KIF18A: variants seen among roughly 807,000 people sequenced by gnomAD.
KIF18A encodes the protein kinesin-like protein KIF18A.
In KIF18A, 67 loss-of-function variants were observed where a neutral mutation model predicts 103.3. The observed-to-expected ratio is 0.65, with a 90% CI of 0.53 to 0.79. The LOEUF (loss-of-function observed/expected upper bound fraction) is 0.79, where lower values mean the gene tolerates loss of function less well. Ranked by LOEUF, KIF18A falls within the 30% of genes least tolerant of loss-of-function variation. The probability of loss-of-function intolerance (pLI) is 0.00; values close to 1 mark genes in which losing one functional copy is unlikely to be tolerated. For synonymous variants in KIF18A, 367 were observed against 355.5 expected (o/e 1.03, Z -0.36); for missense variants, 1,032 against 1,062.5 (o/e 0.97, Z 0.40).
At chr11:28,053,029 A>T (rs754610853) in intron 13 of KIF18A, among the ~76,000 whole-genome samples, 2 of 152,210 alleles carry the variant, frequency 1.3e-5, no homozygotes, top group Non-Finnish European at 2.9e-5. Context: ...CATTACTTTC[A>T]ATGATGAAAA....
chr11:28,055,054 A>G (rs1478614538), intron 13 of KIF18A, among the ~76,000 whole-genome samples: 1 of 152,158 alleles, frequency 6.6e-6, no homozygotes, highest in East Asian at 1.9e-4. Context: ...TAAAAAATGA[A>G]TCATGCCCGA....
chr11:28,088,569 T>G lies in KIF18A; in HGVS notation c.852A>C (p.Ser284=), dbSNP rs1345768027. ...RFVEGTNINR[S]LLALGNVINA... ...TGATGACATTCCCAAGAGCTAAAAG[T>G]GATCTATTAATATTTGTGCCTTCTA... is the stretch of plus-strand genomic sequence containing the variant. The change falls in exon 6 of 17, where the codon TCA becomes TCC. Residue 284 remains serine, a synonymous_variant. Transcript: ENST00000263181. 5.0e-6 allele frequency: 8 copies of G among 1,614,040 alleles called. No homozygotes were observed. Among genetic ancestry groups the G allele is most frequent in the African/African-American group, 1.3e-5 (1 of 75,042 alleles).
chr11:28,070,454 C>T (rs1210888590), intron 10 of KIF18A, among the ~76,000 whole-genome samples: 4 of 152,240 alleles, frequency 2.6e-5, no homozygotes, highest in African/African-American at 9.6e-5. Flanking sequence ...TACTTACCTT[C>T]CCCTCAAGGG....
Position 28,084,788 on chromosome 11 carries a change from A to T in KIF18A, c.918T>A (p.Pro306=), listed in dbSNP as rs775192447. The part of the protein sequence containing the change: ...ADSKRKNQHI[P]YRNSKLTRLL... Reference sequence around the variant, plus strand: ...AGCGAGTAAGCTTACTATTTCTGTAAGGGATATGCTGATTCTTTCTCTGAA... The same window carrying T: ...AGCGAGTAAGCTTACTATTTCTGTATGGGATATGCTGATTCTTTCTCTGAA... The change falls in exon 7 of 17, where the codon CCT becomes CCA. Residue 306 remains proline, a synonymous_variant. Coordinates refer to ENST00000263181, the MANE Select transcript of KIF18A (RefSeq NM_031217.4). The T allele has an allele frequency of 8.1e-6, 13 of 1,611,286 alleles. No individual in the cohort carries two copies. The highest frequency in any genetic ancestry group is 1.0e-5 in the Non-Finnish European group (12 of 1,178,734).
In KIF18A at chr11:28,089,479, G is replaced by C. The variant is rs144591628; in HGVS notation, c.700-758C>G. ...CAAGTCTCATGTACTGTACATAATT[G>C]TATGTACTATATTTTCATATGACTG... On this transcript the variant is annotated intron_variant, in intron 5 of 16. Transcript: ENST00000263181. Among the ~76,000 whole-genome samples the C allele has an allele frequency of 1.6e-4, 24 of 152,212 alleles. No homozygotes were observed. The East Asian group carries it at 2.5e-3, about 16-fold the overall frequency.
At chr11:28,077,280 C>T (rs1050840286) in intron 9 of KIF18A, 111 bp from the exon 10 acceptor site, 3 of 663,952 alleles carry the variant, frequency 4.5e-6, no homozygotes, top group Admixed American at 3.0e-5. Flanking sequence ...CACAGAACTA[C>T]ACTCAATGAT....
chr11:28,030,844 AAAC>A (rs1266288320), intron 15 of KIF18A, among the ~76,000 whole-genome samples: 2 of 150,412 alleles, frequency 1.3e-5, no homozygotes, highest in African/African-American at 4.9e-5. Context: ...AGAAAAAAAC[AAAC>A]AACCCCATCA....
At chr11:28,052,791 G>A (rs1456911700) in intron 13 of KIF18A, among the ~76,000 whole-genome samples, 3 of 151,956 alleles carry the variant, frequency 2.0e-5, no homozygotes, top group African/African-American at 7.2e-5. Context: ...AAATACTGCT[G>A]TAAGTTAAAC....
At chr11:28,047,465 T>C (rs1850651534) in intron 13 of KIF18A, among the ~76,000 whole-genome samples, 1 of 152,162 alleles carries the variant, frequency 6.6e-6, no homozygotes, top group Non-Finnish European at 1.5e-5. Flanking sequence ...TCCTAACTAC[T>C]GGCCACCAGG....
At chr11:28,048,828 AT>A (rs768117778) in intron 13 of KIF18A, among the ~76,000 whole-genome samples, 54 of 152,098 alleles carry the variant, frequency 3.6e-4, no homozygotes, top group Non-Finnish European at 6.3e-4. Flanking sequence ...GTGGAGAAAG[AT>A]TTAGGCCAAG....
intron 1 of KIF18A, among the ~76,000 whole-genome samples, chr11:28,098,335 C>T (rs141874803): frequency 6.6e-6 from 1 of 152,278 alleles, no homozygotes; most frequent in East Asian, 1.9e-4. Context: ...ATATGCTATC[C>T]TAAAACCCAG....
intron 1 of KIF18A, among the ~76,000 whole-genome samples, chr11:28,099,579 C>T (rs1367732357): frequency 1.3e-5 from 2 of 152,074 alleles, no homozygotes; most frequent in African/African-American, 2.4e-5. Context: ...TAAACTTACA[C>T]ATTTTTTTTG....
At chr11:28,063,526 G>A (rs1850881483) in intron 11 of KIF18A, among the ~76,000 whole-genome samples, 1 of 151,882 alleles carries the variant, frequency 6.6e-6, no homozygotes, top group Non-Finnish European at 1.5e-5. Context: ...CATCTGTCTA[G>A]GGCCAGGTGT....
intron 1 of KIF18A, among the ~76,000 whole-genome samples, chr11:28,102,030 C>T (rs1173672961): frequency 6.6e-6 from 1 of 152,104 alleles, no homozygotes; most frequent in Non-Finnish European, 1.5e-5. Context: ...ATTTAACACC[C>T]AAAATAGATT....
At chr11:28,079,702 T>C (rs1851139267) in intron 9 of KIF18A, among the ~76,000 whole-genome samples, 1 of 152,090 alleles carries the variant, frequency 6.6e-6, no homozygotes, top group South Asian at 2.1e-4. Context: ...CAGATTCCTT[T>C]ACTACAGGTT....
chr11:28,103,319 T>TAA (rs771639394), intron 1 of KIF18A, among the ~76,000 whole-genome samples: 1 of 135,802 alleles, frequency 7.4e-6, no homozygotes. Flanking sequence ...ATGCAAAAAT[T>TAA]AAAAAAAAAA....
At chr11:28,089,502 C>T (rs1435318831) in intron 5 of KIF18A, among the ~76,000 whole-genome samples, 1 of 152,148 alleles carries the variant, frequency 6.6e-6, no homozygotes, top group African/African-American at 2.4e-5. Flanking sequence ...TTTCATATGA[C>T]TGGCAGTGCA....
intron 9 of KIF18A, among the ~76,000 whole-genome samples, chr11:28,077,977 A>G (rs771351528): frequency 1.3e-5 from 2 of 152,172 alleles, no homozygotes; most frequent in Non-Finnish European, 1.5e-5. Context: ...GGTCAGTAGA[A>G]CACTGGTCAC....
rs368064414 is a variant in KIF18A, at chr11:28,069,414, T to C, written c.1435A>G (p.Lys479Glu). ...SEDKVEKATG[K>E]RDHRLAMLKT... ...AACATTGCAAGTCTATGATCTCGTT[T>C]TCCAGTGGCCTGAAACACGATTCAT... The change falls in exon 11 of 17, where the codon AAA becomes GAA. Residue 479 changes from lysine (K) to glutamate (E), a missense_variant. Coordinates refer to ENST00000263181, the MANE Select transcript of KIF18A (RefSeq NM_031217.4). The C allele has an allele frequency of 6.2e-7, 1 of 1,612,922 alleles. No homozygotes were observed.
Sources: allele counts gnomAD v4.1 joint callset (sites outside exome capture counted in the v4.1 genomes callset), GRCh38; gene constraint gnomAD v4.1.1; transcripts MANE v1.5; gene names NCBI Gene and HGNC (gene_info 2026-07-23, HGNC 2026-07-21).